The following THSD7B variants were observed in gnomAD, a reference collection of about 807,000 sequenced individuals.
The protein encoded by THSD7B is thrombospondin type 1 domain containing 7B, also known as thrombospondin type-1 domain-containing protein 7B.
Under a neutral mutation model 213.6 loss-of-function variants are expected in THSD7B, and 138 were observed. That is an observed-to-expected ratio of 0.65 (90% confidence interval 0.56 to 0.74). The LOEUF (loss-of-function observed/expected upper bound fraction) is 0.74, where lower values mean the gene tolerates loss of function less well. THSD7B is among the 30% of genes least tolerant of loss of function. The pLI is 0.00. For missense variants in THSD7B, 1,931 were observed against 1,991.5 expected (o/e 0.97, Z 0.58); for synonymous variants, 742 against 687.0 (o/e 1.08, Z -1.25).
At chr2:137,639,717 A>C (rs1456351495) in intron 20 of THSD7B, among the ~76,000 whole-genome samples, 1 of 152,172 alleles carries the variant, frequency 6.6e-6, no homozygotes, top group African/African-American at 2.4e-5. Context: ...TGTGACCTGA[A>C]AGTGAGACCT....
intron 7 of THSD7B, among the ~76,000 whole-genome samples, chr2:137,197,199 CAAAATCTAAA>C (rs1397800483): frequency 6.6e-6 from 1 of 152,070 alleles, no homozygotes; most frequent in African/African-American, 2.4e-5. Context: ...AGATAACTGA[CAAAATCTAAA>C]AAGGTCCGGA....
At chr2:136,832,739 C>T (rs1462908020) in intron 1 of THSD7B, among the ~76,000 whole-genome samples, 3 of 152,140 alleles carry the variant, frequency 2.0e-5, no homozygotes, top group Non-Finnish European at 1.5e-5. Context: ...TAGCATATAA[C>T]AAGAACTATG....
In THSD7B at chr2:137,636,179, TG is replaced by T. The variant is rs1272177596; in HGVS notation, c.3800-6308del. On this transcript the variant is annotated intron_variant, in intron 20 of 27. Transcript: ENST00000409968. ...GAACAAACATCATTTACAGAACCTT[TG>T]CCCAGTCAACAAACTTTCTCCATTA... 8.5e-5 allele frequency among the ~76,000 whole-genome samples: 13 copies of T among 152,340 alleles called. 1 individual carries two copies. The South Asian group carries it at 2.7e-3, about 32-fold the overall frequency.
intron 1 of THSD7B, among the ~76,000 whole-genome samples, chr2:136,870,682 A>T (rs1277413103): frequency 6.6e-6 from 1 of 152,166 alleles, no homozygotes; most frequent in African/African-American, 2.4e-5. Context: ...CAGTGCAAGG[A>T]CGTTAAGAAG....
intron 15 of THSD7B, among the ~76,000 whole-genome samples, chr2:137,520,395 G>C (rs1361770140): frequency 3.9e-5 from 6 of 152,186 alleles, no homozygotes; most frequent in African/African-American, 1.4e-4. Flanking sequence ...TAAGCACTCT[G>C]TATATATAAT....
intron 15 of THSD7B, among the ~76,000 whole-genome samples, chr2:137,488,701 T>C (rs753995488): frequency 1.2e-4 from 19 of 152,234 alleles, no homozygotes; most frequent in Non-Finnish European, 2.4e-4. Context: ...AGGCATCTTC[T>C]ATCAATTTTT....
intron 20 of THSD7B, among the ~76,000 whole-genome samples, chr2:137,627,014 T>TAAC (rs1682644633): frequency 1.3e-5 from 2 of 152,170 alleles, no homozygotes; most frequent in South Asian, 4.1e-4. Context: ...CCTGGAAAGT[T>TAAC]CAAGATTGGG....
chr2:137,229,432 C>A (rs984749414), intron 7 of THSD7B, among the ~76,000 whole-genome samples: 1 of 152,074 alleles, frequency 6.6e-6, no homozygotes, highest in Non-Finnish European at 1.5e-5. Context: ...ATTATTGGAA[C>A]TGGTTTTTCA....
intron 2 of THSD7B, among the ~76,000 whole-genome samples, chr2:136,988,836 C>A (rs994518723): frequency 3.3e-5 from 5 of 152,174 alleles, no homozygotes; most frequent in Non-Finnish European, 7.3e-5. Flanking sequence ...CCTCCATTTA[C>A]CAAACATTTG....
intron 12 of THSD7B, among the ~76,000 whole-genome samples, chr2:137,350,077 C>G (rs1473363908): frequency 6.6e-6 from 1 of 151,738 alleles, no homozygotes. Context: ...ATTCATTAAC[C>G]TGTTATGTAC....
At position 137,287,898 on chromosome 2, in the gene THSD7B, T is replaced by C. The variant is rs913476394; in HGVS notation, c.2500+11872T>C. Among the ~76,000 whole-genome samples the C allele has an allele frequency of 3.9e-4, 59 of 152,244 alleles. 1 individual carries two copies. Among genetic ancestry groups the C allele is most frequent in the Admixed American group, 2.9e-3 (45 of 15,288 alleles). On this transcript the variant is annotated intron_variant, in intron 12 of 27. Transcript: ENST00000409968. ...ACTATCTTCCCTTCAGGAATGCTAA[T>C]ATGAATTTCAAAGTCTACTGCAAAC...
At chr2:137,075,285 C>T (rs1396294865) in intron 3 of THSD7B, among the ~76,000 whole-genome samples, 1 of 152,146 alleles carries the variant, frequency 6.6e-6, no homozygotes, top group Non-Finnish European at 1.5e-5. Context: ...TTGTTCATTT[C>T]TTTTTATTCT....
intron 1 of THSD7B, among the ~76,000 whole-genome samples, chr2:136,777,179 G>A (rs1333963062): frequency 6.6e-6 from 1 of 152,128 alleles, no homozygotes; most frequent in Non-Finnish European, 1.5e-5. Flanking sequence ...GAAGCTTTAT[G>A]AACAAGACCA....
intron 3 of THSD7B, among the ~76,000 whole-genome samples, chr2:137,064,282 C>T (rs924776493): frequency 6.6e-6 from 1 of 151,920 alleles, no homozygotes; most frequent in African/African-American, 2.4e-5. Flanking sequence ...TTTCCATATG[C>T]CTGTTTGTCA....
chr2:137,233,935 C>T (rs1573902532), intron 9 of THSD7B, among the ~76,000 whole-genome samples: 2 of 152,284 alleles, frequency 1.3e-5, no homozygotes, highest in Admixed American at 1.3e-4. Context: ...AGACCCCACT[C>T]CAGGCACAGG....
chr2:136,782,285 A>G (rs1043085996), intron 1 of THSD7B, among the ~76,000 whole-genome samples: 1 of 148,814 alleles, frequency 6.7e-6, no homozygotes, highest in African/African-American at 2.5e-5. Flanking sequence ...CCTTGCTGTA[A>G]CTCCCTCAGG....
chr2:137,449,460 C>T (rs1455509700), intron 14 of THSD7B, among the ~76,000 whole-genome samples: 1 of 152,220 alleles, frequency 6.6e-6, no homozygotes, highest in Non-Finnish European at 1.5e-5. Flanking sequence ...TCTCTGGATT[C>T]TCTGCTTGAG....
At chr2:136,918,893 G>T (rs1460341723) in intron 2 of THSD7B, among the ~76,000 whole-genome samples, 1 of 152,094 alleles carries the variant, frequency 6.6e-6, no homozygotes, top group Non-Finnish European at 1.5e-5. Flanking sequence ...CCTGACCTGG[G>T]TTAATAAAAT....
intron 12 of THSD7B, among the ~76,000 whole-genome samples, chr2:137,295,175 A>C (rs1340241321): frequency 6.6e-6 from 1 of 152,286 alleles, no homozygotes; most frequent in East Asian, 1.9e-4. Flanking sequence ...ATAGAACAAC[A>C]ACAAGCCCTG....
Sources: gnomAD v4.1 joint callset for allele counts (sites outside exome capture counted in the v4.1 genomes callset) on GRCh38, gnomAD v4.1.1 for gene constraint, MANE v1.5 for transcripts, NCBI Gene and HGNC (gene_info 2026-07-23, HGNC 2026-07-21) for gene names.